RAP1GAP: variants seen among roughly 807,000 people sequenced by gnomAD.
The protein encoded by RAP1GAP is RAP1 GTPase activating protein.
Under a neutral mutation model 87.2 loss-of-function variants are expected in RAP1GAP, and 35 were observed. The observed-to-expected ratio is 0.40, with a 90% CI of 0.31 to 0.53. The LOEUF is 0.53. Ranked by LOEUF, RAP1GAP falls within the 20% of genes least tolerant of loss-of-function variation. The pLI is 0.48. For synonymous variants in RAP1GAP, 375 were observed against 363.9 expected (o/e 1.03, Z -0.35); for missense variants, 734 against 898.9 (o/e 0.82, Z 2.35).
intron 2 of RAP1GAP, among the ~76,000 whole-genome samples, chr1:21,644,987 T>C (rs377087503): frequency 6.6e-6 from 1 of 151,856 alleles, no homozygotes; most frequent in African/African-American, 2.4e-5. Context: ...TATTTACTTA[T>C]AGTCTGCCTC....
chr1:21,613,114 A>G lies in RAP1GAP; in HGVS notation c.528+62T>C. 2 of 1,479,092 alleles carry G rather than the reference A, an allele frequency of 1.4e-6. No homozygotes were observed. The highest frequency in any genetic ancestry group is 1.4e-5 in the African/African-American group (1 of 72,054). 91.6% of individuals were successfully genotyped at this position (1,479,092 alleles called of 1,614,324 possible). A position where few individuals can be genotyped will look rare whatever the true frequency, so the allele number is the denominator to read the frequency against. ...ATCTGGCACACAGAAGGTGCTTAATAAATGCTCAGTCTTCCAGTTACTCAC... is the reference window on the plus strand; with the variant it reads ...ATCTGGCACACAGAAGGTGCTTAATGAATGCTCAGTCTTCCAGTTACTCAC... On this transcript the variant is annotated intron_variant, in intron 10 of 24. Coordinates refer to ENST00000374765, the MANE Select transcript of RAP1GAP (RefSeq NM_002885.4). This position sits in a 1 kb window ranked among gnomAD's most constrained non-coding sequence, Gnocchi z 4.7.
At chr1:21,612,796 C>T (rs2079206386) in intron 10 of RAP1GAP, among the ~76,000 whole-genome samples, 1 of 152,226 alleles carries the variant, frequency 6.6e-6, no homozygotes, top group South Asian at 2.1e-4. Context: ...AGTGCCAGGG[C>T]TATTCTCTCT....
chr1:21,638,148 TAAA>T (rs34068902), intron 2 of RAP1GAP, among the ~76,000 whole-genome samples: 2 of 117,476 alleles, frequency 1.7e-5, no homozygotes, highest in Non-Finnish European at 1.7e-5. Flanking sequence ...AAGATCCTAT[TAAA>T]AAAAAAAAAA....
chr1:21,649,671 C>T, intron 2 of RAP1GAP, 90 bp downstream of exon 2: 14 of 1,416,324 alleles, frequency 9.9e-6, no homozygotes, highest in Non-Finnish European at 1.4e-5. Flanking sequence ...TAAGGTCTGG[C>T]CTGGCATCGC....
intron 3 of RAP1GAP, among the ~76,000 whole-genome samples, chr1:21,625,914 G>A (rs529523294): frequency 2.0e-5 from 3 of 152,286 alleles, no homozygotes; most frequent in Admixed American, 6.5e-5. Context: ...TGCCTGGGCC[G>A]CCCTGTCTGT....
rs1487902941 is a variant in RAP1GAP, at chr1:21,634,612, C to T, written c.-112-8215G>A. On this transcript the variant is annotated intron_variant, in intron 2 of 24. Transcript: ENST00000374765. This position sits in a 1 kb window ranked among gnomAD's most constrained non-coding sequence, Gnocchi z 4.1. ...GCACATGGGGCCGCCACCCTCGCCC[C>T]ATGCTGGCTGCATGCCGAGACACCC... 8 of 216,134 alleles carry T rather than the reference C, an allele frequency of 3.7e-5. No individual in the cohort carries two copies. The highest frequency in any genetic ancestry group is 4.7e-5 in the Admixed American group (1 of 21,344). 13.4% of individuals were successfully genotyped at this position (216,134 alleles called of 1,614,324 possible).
chr1:21,618,410 C>A (rs541619854), intron 5 of RAP1GAP, among the ~76,000 whole-genome samples: 2 of 152,320 alleles, frequency 1.3e-5, no homozygotes, highest in East Asian at 3.9e-4. Context: ...GCCCACTCCA[C>A]CAGGCCTGGT....
rs2081695443 is a variant in RAP1GAP, at chr1:21,615,868, G to C, written c.291+1438C>G. On this transcript the variant is annotated intron_variant, in intron 7 of 24. Coordinates refer to ENST00000374765, the MANE Select transcript of RAP1GAP (RefSeq NM_002885.4). The surrounding 1 kb of genome is among the most constrained non-coding windows in gnomAD (Gnocchi z 4.5). ...CAGATCCTACCACCTGCCAGACCCA[G>C]CTGGGAACCTCTGGACAGCAGGTGC... 6.6e-6 allele frequency among the ~76,000 whole-genome samples: 1 copy of C among 152,172 alleles called. No individual in the cohort carries two copies. Among genetic ancestry groups the C allele is most frequent in the Non-Finnish European group, 1.5e-5 (1 of 68,034 alleles).
chr1:21,639,610 C>T (rs1363189031), intron 2 of RAP1GAP, among the ~76,000 whole-genome samples: 1 of 152,174 alleles, frequency 6.6e-6, no homozygotes, highest in Non-Finnish European at 1.5e-5. Context: ...CGTGAAAGTA[C>T]GTCCTAAGCT....
In RAP1GAP at chr1:21,606,105, G is replaced by A. The variant is rs150973141; in HGVS notation, c.1389C>T (p.Phe463=). ...TGGCCAGGTCGGGGTTGTTGGGCGC[G>A]AAGCTCCCGCTGTGGCTGGTGGACA... The part of the protein sequence containing the change: ...NTVSTSHSGS[F]APNNPDLAKA... The change falls in exon 18 of 25, where the codon TTC becomes TTT. Residue 463 remains phenylalanine, a synonymous_variant. Coordinates refer to ENST00000374765, the MANE Select transcript of RAP1GAP (RefSeq NM_002885.4). 1.1e-4 allele frequency: 180 copies of A among 1,588,464 alleles called. 1 individual carries two copies. The African/African-American group carries it at 1.6e-3, about 15-fold the overall frequency.
intron 2 of RAP1GAP, among the ~76,000 whole-genome samples, chr1:21,637,004 C>T (rs74229145): frequency 0.1 from 15,822 of 151,136 alleles, 1,086 homozygotes; most frequent in East Asian, 0.22. Context: ...TGTAAGGTAC[C>T]GAGCTCTGCA....
At chr1:21,618,101 G>A in intron 5 of RAP1GAP, 129 bp from the exon 6 acceptor site, 1 of 1,067,650 alleles carries the variant, frequency 9.4e-7, no homozygotes, top group Non-Finnish European at 1.4e-6. Context: ...ACCTCTTACA[G>A]ATGGGCAGGG....
intron 1 of RAP1GAP, among the ~76,000 whole-genome samples, chr1:21,658,962 G>C (rs1452261797): frequency 7.2e-6 from 1 of 138,654 alleles, no homozygotes; most frequent in African/African-American, 2.7e-5. Flanking sequence ...TTTTTGAGAC[G>C]GAGTTTTGCC....
chr1:21,610,500 T>A (rs1345702594), intron 13 of RAP1GAP, among the ~76,000 whole-genome samples: 2 of 152,146 alleles, frequency 1.3e-5, no homozygotes, highest in Non-Finnish European at 2.9e-5. Flanking sequence ...TACACTAATA[T>A]CCCAGACCTC....
chr1:21,616,601 G>A (rs764443211), intron 7 of RAP1GAP, among the ~76,000 whole-genome samples: 6 of 152,194 alleles, frequency 3.9e-5, no homozygotes, highest in Admixed American at 2.0e-4. Flanking sequence ...GACAGCACCC[G>A]GCCTGCAACC....
intron 1 of RAP1GAP, chr1:21,651,954 C>T: frequency 5.2e-6 from 4 of 776,088 alleles, no homozygotes; most frequent in Non-Finnish European, 6.3e-6. Context: ...CCCAGCGGGC[C>T]GCGGTCCAGC....
intron 2 of RAP1GAP, among the ~76,000 whole-genome samples, chr1:21,638,576 C>G (rs1558818507): frequency 6.6e-6 from 1 of 152,080 alleles, no homozygotes; most frequent in South Asian, 2.1e-4. Flanking sequence ...GTCTGTCCGT[C>G]CTCTTTCTCT....
chr1:21,598,552 C>G (rs753376449), intron 21 of RAP1GAP, 50 bp from the exon 22 acceptor site: 4 of 1,427,092 alleles, frequency 2.8e-6, no homozygotes, highest in Non-Finnish European at 3.9e-6. Context: ...GCCCTTGGCA[C>G]TGGCTAGGGC....
Position 21,608,217 on chromosome 1 carries a change from A to C in RAP1GAP, c.1292T>G (p.Phe431Cys). The C allele has an allele frequency of 3.1e-6, 5 of 1,613,816 alleles. No individual in the cohort carries two copies. Among genetic ancestry groups the C allele is most frequent in the Non-Finnish European group, 4.2e-6 (5 of 1,179,874 alleles). The stretch of plus-strand genomic sequence containing the variant: ...GTTAGACCTGGGGCCCTTCACCTTG[A>C]AAGACTCAAAGAAGCCGCCGCCCCC... ...GSGGGGFFES[F>C]KRVIRSRSQS... The change falls in exon 17 of 25, where the codon TTC (phenylalanine) becomes TGC (cysteine). Residue 431 changes from phenylalanine to cysteine, a missense_variant. By Grantham distance (205) the Phe-to-Cys change is radical. Around this residue, in one of 2 missense-constraint regions of RAP1GAP, gnomAD observed 485 missense variants for 646.2 expected, o/e 0.75. Coordinates refer to ENST00000374765, the MANE Select transcript of RAP1GAP (RefSeq NM_002885.4).
Sources: gnomAD v4.1 joint callset for allele counts (sites outside exome capture counted in the v4.1 genomes callset) on GRCh38, gnomAD v4.1.1 for gene constraint, gnomAD v4.1.1 regional missense constraint, Gnocchi (gnomAD v3.1) non-coding constraint, MANE v1.5 for transcripts, NCBI Gene and HGNC (gene_info 2026-07-23, HGNC 2026-07-21) for gene names.